CLINT1: variants seen among roughly 807,000 people sequenced by gnomAD.
CLINT1 encodes the protein clathrin interacting protein localized in the trans-Golgi region.
Under a neutral mutation model 70.4 loss-of-function variants are expected in CLINT1, and 15 were observed. That is an observed-to-expected ratio of 0.21 (90% CI 0.14 to 0.33). CLINT1 has a LOEUF of 0.33. CLINT1 is among the 10% of genes least tolerant of loss of function. The pLI is 1.00. For missense variants in CLINT1, 615 were observed against 778.1 expected, an observed-to-expected ratio of 0.79 and a Z score of 2.49; for synonymous variants, 227 against 254.7, an observed-to-expected ratio of 0.89 and a Z score of 1.04.
chr5:157,787,393 T>G lies in CLINT1; in HGVS notation c.*253A>C, dbSNP rs1055433641. ...CTCTTCAGTTGATAAAGGCTTTCAA[T>G]GGTCTCACCACCCACTTGTGGTCTA... On this transcript the variant is annotated 3_prime_UTR_variant, in exon 12 of 12. Transcript: ENST00000411809. 2.0e-5 allele frequency: 10 copies of G among 502,564 alleles called. No individual in the cohort carries two copies. The Middle Eastern group carries it at 1.6e-3, about 80-fold the overall frequency. The allele number at this position is 502,564 out of a possible 1,614,324, so 31.1% of individuals were successfully genotyped here. A position where few individuals can be genotyped will look rare whatever the true frequency, so the allele number is the denominator to read the frequency against.
At chr5:157,831,112 A>G (rs1220318063) in intron 1 of CLINT1, among the ~76,000 whole-genome samples, 2 of 151,926 alleles carry the variant, frequency 1.3e-5, no homozygotes, top group African/African-American at 4.8e-5. Flanking sequence ...ACTTGTTTTT[A>G]GCTTTTAGTT....
chr5:157,801,706 G>A (rs1762227674), intron 8 of CLINT1, among the ~76,000 whole-genome samples: 1 of 152,094 alleles, frequency 6.6e-6, no homozygotes, highest in Non-Finnish European at 1.5e-5. Flanking sequence ...GGTGGCAGGT[G>A]ACTGTAATCC....
intron 8 of CLINT1, among the ~76,000 whole-genome samples, chr5:157,798,588 T>C (rs1262828371): frequency 6.6e-6 from 1 of 151,950 alleles, no homozygotes; most frequent in Non-Finnish European, 1.5e-5. Context: ...GCAAAAAAAA[T>C]GTAAATACAT....
chr5:157,849,518 G>A (rs1753499675), intron 1 of CLINT1, among the ~76,000 whole-genome samples: 1 of 152,132 alleles, frequency 6.6e-6, no homozygotes, highest in Admixed American at 6.5e-5. Context: ...GCAGTGGTTT[G>A]GAACTAAACC....
In CLINT1 at chr5:157,787,382, A is replaced by C; in HGVS notation, c.*264T>G. On this transcript the variant is annotated 3_prime_UTR_variant, in exon 12 of 12. Coordinates refer to ENST00000411809, the MANE Select transcript of CLINT1 (RefSeq NM_014666.4). ...TGTTAAATGGACTCTTCAGTTGATA[A>C]AGGCTTTCAATGGTCTCACCACCCA... is the stretch of plus-strand genomic sequence containing the variant. 2.1e-6 allele frequency: 1 copy of C among 476,136 alleles called. No individual in the cohort carries two copies. The highest frequency in any genetic ancestry group is 3.7e-6 in the Non-Finnish European group (1 of 267,520). 29.5% of individuals were successfully genotyped at this position (476,136 alleles called of 1,614,324 possible). A position where few individuals can be genotyped will look rare whatever the true frequency, so the allele number is the denominator to read the frequency against.
intron 1 of CLINT1, among the ~76,000 whole-genome samples, chr5:157,817,840 AAAAC>A (rs1762768295): frequency 6.6e-6 from 1 of 152,238 alleles, no homozygotes; most frequent in Non-Finnish European, 1.5e-5. Flanking sequence ...AAAAAAAACA[AAAAC>A]AAAAACTGAA....
chr5:157,796,462 C>T (rs1426612281), intron 8 of CLINT1, among the ~76,000 whole-genome samples: 1 of 152,114 alleles, frequency 6.6e-6, no homozygotes, highest in Non-Finnish European at 1.5e-5. Context: ...AAGATTTCAC[C>T]TCTTAACAGT....
chr5:157,816,730 A>C lies in CLINT1; in HGVS notation c.243+4T>G, dbSNP rs1284065596. On this transcript the variant is annotated splice_donor_region_variant and intron_variant, in intron 3 of 11. Coordinates refer to ENST00000411809, the MANE Select transcript of CLINT1 (RefSeq NM_014666.4). ...AAGTAATTAAAGCAGACTTGTGTCCATACCTTATAAACTCTTCTCCAATTC... is the reference window on the plus strand; with the variant it reads ...AAGTAATTAAAGCAGACTTGTGTCCCTACCTTATAAACTCTTCTCCAATTC... 1.9e-6 allele frequency: 3 copies of C among 1,598,748 alleles called. No homozygotes were observed. In the African/African-American group the frequency reaches 4.0e-5, roughly 21 times the overall value.
At chr5:157,830,609 T>A (rs1241711335) in intron 1 of CLINT1, among the ~76,000 whole-genome samples, 2 of 151,740 alleles carry the variant, frequency 1.3e-5, no homozygotes, top group African/African-American at 4.8e-5. Flanking sequence ...GGCAAGATGG[T>A]TCACGGCTGT....
Position 157,787,876 on chromosome 5 carries a change from G to T in CLINT1, c.1648C>A (p.Pro550Thr). The part of the protein sequence containing the change: ...QTNALIGGPM[P>T]MSMPNVMTGT... ...GTCATCACATTGGGCATGCTCATAG[G>T]CATGGGTCCCCCTATCAAAGCATTA... The change falls in exon 12 of 12, where the codon CCT becomes ACT. Residue 550 changes from proline to threonine, a missense_variant. Around this residue, in one of 2 missense-constraint regions of CLINT1, gnomAD observed 374 missense variants for 409.6 expected, o/e 0.91. Coordinates refer to ENST00000411809, the MANE Select transcript of CLINT1 (RefSeq NM_014666.4). 6.2e-7 allele frequency: 1 copy of T among 1,613,850 alleles called. No individual in the cohort carries two copies. Among genetic ancestry groups the T allele is most frequent in the Non-Finnish European group, 8.5e-7 (1 of 1,179,820 alleles).
chr5:157,802,086 G>T (rs144396512), intron 8 of CLINT1, among the ~76,000 whole-genome samples: 271 of 152,164 alleles, frequency 1.8e-3, no homozygotes, highest in African/African-American at 6.0e-3. Flanking sequence ...GTAGAGACAG[G>T]GTTTCACCAT....
At chr5:157,845,884 C>T (rs1423084419) in intron 1 of CLINT1, among the ~76,000 whole-genome samples, 1 of 152,136 alleles carries the variant, frequency 6.6e-6, no homozygotes, top group African/African-American at 2.4e-5. Flanking sequence ...ATATTTCCAA[C>T]TTTTTCATTA....
Position 157,791,923 on chromosome 5 carries a change from G to A in CLINT1, c.1160C>T (p.Ala387Val), listed in dbSNP as rs776375121. ...AFNQAPSGPV[A>V]SSGEFFGSAS... ...ACTGCCAAAGAACTCGCCACTGGAA[G>A]CAACAGGGCCTGATGGGGCTTGGTT... Residue 387 changes from alanine to valine, a missense_variant, in exon 10 of 12, where the codon GCT becomes GTT. By Grantham distance (64) the Ala-to-Val change is moderately conservative. This residue lies in a region of CLINT1 where 374 missense variants were observed against 409.6 expected (regional missense o/e 0.91). Transcript: ENST00000411809. 62 of 1,613,876 alleles carry A rather than the reference G, an allele frequency of 3.8e-5. No homozygotes were observed. The Middle Eastern group carries it at 4.9e-4, about 13-fold the overall frequency.
chr5:157,822,671 G>A (rs2113235053), intron 1 of CLINT1, among the ~76,000 whole-genome samples: 1 of 152,236 alleles, frequency 6.6e-6, no homozygotes, highest in South Asian at 2.1e-4. Context: ...TTGACTACTT[G>A]ACATTCAGAT....
intron 2 of CLINT1, 32 bp from the exon 3 acceptor site, chr5:157,816,862 A>C: frequency 6.7e-7 from 1 of 1,486,610 alleles, no homozygotes; most frequent in Non-Finnish European, 9.2e-7. Context: ...AAGAGTCTGC[A>C]ATATATTAAT....
intron 1 of CLINT1, among the ~76,000 whole-genome samples, chr5:157,828,171 C>T (rs909209048): frequency 1.3e-5 from 2 of 152,148 alleles, no homozygotes; most frequent in Non-Finnish European, 2.9e-5. Context: ...ATGACCTGGG[C>T]AGATGACAGG....
chr5:157,855,536 T>C (rs1444535341), intron 1 of CLINT1, among the ~76,000 whole-genome samples: 2 of 152,170 alleles, frequency 1.3e-5, no homozygotes, highest in Non-Finnish European at 2.9e-5. Flanking sequence ...GGCAGGCCTA[T>C]GGCTTTATCT....
intron 1 of CLINT1, among the ~76,000 whole-genome samples, chr5:157,842,809 C>T (rs1753236004): frequency 6.6e-6 from 1 of 152,176 alleles, no homozygotes; most frequent in Non-Finnish European, 1.5e-5. Context: ...CAAAACACTC[C>T]TATTCTGTAC....
intron 1 of CLINT1, among the ~76,000 whole-genome samples, chr5:157,830,268 A>G (rs569612969): frequency 6.6e-6 from 1 of 152,166 alleles, no homozygotes; most frequent in Non-Finnish European, 1.5e-5. Context: ...TCAAACTTCC[A>G]AAAATATTTT....
Sources: allele counts gnomAD v4.1 joint callset (sites outside exome capture counted in the v4.1 genomes callset), GRCh38; gene constraint gnomAD v4.1.1; regional missense constraint gnomAD v4.1.1; transcripts MANE v1.5; gene names NCBI Gene and HGNC (gene_info 2026-07-23, HGNC 2026-07-21).